Variants in OPA1 observed in about 807,000 individuals in gnomAD.
OPA1 encodes the protein dynamin-like GTPase OPA1, mitochondrial.
A neutral mutation model predicts 152.9 loss-of-function variants in OPA1; 59 were observed. That is an observed-to-expected ratio of 0.39 (90% CI 0.31 to 0.48). OPA1 has a LOEUF of 0.48. Ranked by LOEUF, OPA1 falls within the 20% of genes least tolerant of loss-of-function variation. OPA1 has a pLI of 0.96. For missense variants in OPA1, 1,008 were observed against 1,216.8 expected (o/e 0.83, Z 2.55); for synonymous variants, 400 against 389.9 (o/e 1.03, Z -0.31).
chr3:193,640,210 G>A (rs573432590), intron 11 of OPA1, among the ~76,000 whole-genome samples: 1 of 152,180 alleles, frequency 6.6e-6, no homozygotes, highest in East Asian at 1.9e-4. Context: ...CTTCAAGGGA[G>A]TGAGTAGAGA....
In OPA1 at chr3:193,637,938, T is replaced by C. The variant is rs1029696925; in HGVS notation, c.1036-14T>C. 20 of 1,597,470 alleles carry C rather than the reference T, an allele frequency of 1.3e-5. No homozygotes were observed. Among genetic ancestry groups the C allele is most frequent in the Non-Finnish European group, 1.7e-5 (20 of 1,165,146 alleles). On this transcript the variant is annotated splice_polypyrimidine_tract_variant and intron_variant, in intron 10 of 30. Coordinates refer to ENST00000361510, the MANE Select transcript of OPA1 (RefSeq NM_130837.3). ...CAGAAAAATATGAATAAGTGTTCTT[T>C]GTTTTGTGGGAAGGTTGTTGTGGTT...
rs748799408 is a variant in OPA1 at position 193,617,784 on chromosome 3, G to A, written c.557G>A (p.Gly186Asp). The A allele has an allele frequency of 4.3e-6, 7 of 1,609,874 alleles. No individual in the cohort carries two copies. The African/African-American group carries it at 8.0e-5, about 18-fold the overall frequency. ...LSLLKDFFTS[G>D]HKLVSEVIGA... ...TTCCCCTTTTGCTGATTTTTCACAG[G>A]TCACAAATTGGTTAGTGAAGTCATA... The change falls in exon 5 of 31, where the codon GGT becomes GAT. Residue 186 changes from glycine to aspartate, a missense_variant and splice_region_variant. Around this residue, in one of 7 missense-constraint regions of OPA1, gnomAD observed 408 missense variants for 395.1 expected, o/e 1.03. Transcript: ENST00000361510.
chr3:193,655,050 T>G (rs1338012724), intron 22 of OPA1, 23 bp downstream of exon 22: 1 of 1,606,270 alleles, frequency 6.2e-7, no homozygotes, highest in Middle Eastern at 1.7e-4. Context: ...TTTAATTAAA[T>G]GGGTAAGAAG....
At chr3:193,595,311 C>T (rs544089422) in intron 1 of OPA1, among the ~76,000 whole-genome samples, 1 of 152,212 alleles carries the variant, frequency 6.6e-6, no homozygotes, top group Admixed American at 6.5e-5. Flanking sequence ...AAGATCAATA[C>T]TAACATTTGG....
chr3:193,605,829 T>C (rs1727169207), intron 1 of OPA1, among the ~76,000 whole-genome samples: 1 of 152,234 alleles, frequency 6.6e-6, no homozygotes, highest in East Asian at 1.9e-4. Context: ...TATGGGAACC[T>C]CTGGAACTTG....
At chr3:193,620,633 A>G (rs1176235449) in intron 6 of OPA1, among the ~76,000 whole-genome samples, 3 of 151,958 alleles carry the variant, frequency 2.0e-5, no homozygotes, top group Non-Finnish European at 4.4e-5. Context: ...TTTTTTTTTA[A>G]CTATTTGTTA....
At position 193,593,213 on chromosome 3, in the gene OPA1, C is replaced by T; in HGVS notation, c.-165C>T. 1.7e-6 allele frequency: 1 copy of T among 587,724 alleles called. No homozygotes were observed. The allele number at this position is 587,724 out of a possible 1,614,324, so 36.4% of individuals were successfully genotyped here. ...ACTGAGTACGGGTGCCTGTCAGGCT[C>T]TTGCGGAAGTCCATGCGCCATTGGG... is the stretch of plus-strand genomic sequence containing the variant. On this transcript the variant is annotated 5_prime_UTR_variant, in exon 1 of 31. Coordinates refer to ENST00000361510, the MANE Select transcript of OPA1 (RefSeq NM_130837.3).
chr3:193,633,826 G>A (rs1039247745), intron 8 of OPA1, among the ~76,000 whole-genome samples: 3 of 152,062 alleles, frequency 2.0e-5, no homozygotes, highest in East Asian at 1.9e-4. Context: ...AGTAGCTGCC[G>A]TGTTAAACAA....
chr3:193,640,861 A>C (rs536447910), intron 11 of OPA1, among the ~76,000 whole-genome samples: 169 of 152,312 alleles, frequency 1.1e-3, no homozygotes, highest in African/African-American at 3.8e-3. Context: ...TGAAATCTTC[A>C]AGAAATGAAA....
At chr3:193,655,079 G>A (rs531670784) in intron 22 of OPA1, 52 bp downstream of exon 22, 24 of 1,542,202 alleles carry the variant, frequency 1.6e-5, no homozygotes, top group Non-Finnish European at 1.7e-5. Context: ...GAAGGGAGTA[G>A]GAGCTGTGAA....
At chr3:193,600,917 A>G (rs1028246114) in intron 1 of OPA1, among the ~76,000 whole-genome samples, 1 of 152,218 alleles carries the variant, frequency 6.6e-6, no homozygotes, top group African/African-American at 2.4e-5. Flanking sequence ...CAGCAGTATC[A>G]GCCACCTTTT....
At chr3:193,647,007 ATTG>A (rs1734756289) in intron 18 of OPA1, 55 bp from the exon 19 acceptor site, 1 of 1,093,788 alleles carries the variant, frequency 9.1e-7, no homozygotes, top group Non-Finnish European at 1.4e-6. Flanking sequence ...TGGTGGTAGT[ATTG>A]TTGTCCTTTT....
At chr3:193,641,814 C>T (rs906233736) in intron 11 of OPA1, among the ~76,000 whole-genome samples, 1 of 152,204 alleles carries the variant, frequency 6.6e-6, no homozygotes, top group Non-Finnish European at 1.5e-5. Context: ...TGTTAATATA[C>T]ATTGCTATAA....
intron 29 of OPA1, among the ~76,000 whole-genome samples, chr3:193,671,239 A>G (rs1322773232): frequency 2.0e-5 from 3 of 152,242 alleles, no homozygotes; most frequent in African/African-American, 7.2e-5. Context: ...TAATATTATC[A>G]GTAATGGTCA....
rs1362735128 is a variant in OPA1 at position 193,608,144 on chromosome 3, G to A, written c.33-6579G>A. On this transcript the variant is annotated intron_variant, in intron 1 of 30. Coordinates refer to ENST00000361510, the MANE Select transcript of OPA1 (RefSeq NM_130837.3). ...GTCTATCAATTTTGTTGATCTTTTC[G>A]AAAAACCAGTTACTGGATTCATTGA... is the stretch of plus-strand genomic sequence containing the variant. Among the ~76,000 whole-genome samples, 14 of 152,088 alleles carry A rather than the reference G, an allele frequency of 9.2e-5. No individual in the cohort carries two copies. The East Asian group carries it at 2.3e-3, about 25-fold the overall frequency.
rs569037448 is a variant in OPA1 at position 193,613,569 on chromosome 3, TTTTG to T, written c.33-1138_33-1135del. On this transcript the variant is annotated intron_variant, in intron 1 of 30. Transcript: ENST00000361510. ...TCCTCCTCCTCCTTCTTTGTTTTTT[TTTTG>T]TTTGTTTGTTTGTTTTTTTTTGGAG... Among the ~76,000 whole-genome samples, 132 of 152,168 alleles carry T rather than the reference TTTTG, an allele frequency of 8.7e-4. 2 individuals carry two copies. The South Asian group carries it at 0.025, about 28-fold the overall frequency.
intron 1 of OPA1, among the ~76,000 whole-genome samples, chr3:193,610,373 T>C (rs1274417129): frequency 6.6e-6 from 1 of 152,210 alleles, no homozygotes; most frequent in Non-Finnish European, 1.5e-5. Context: ...CAGCAGATGT[T>C]GCTGCCTGAT....
chr3:193,667,058 A>C (rs1662559771), intron 28 of OPA1, 112 bp from the exon 29 acceptor site: 1 of 672,514 alleles, frequency 1.5e-6, no homozygotes, highest in Non-Finnish European at 2.7e-6. Flanking sequence ...AAGTATTAGC[A>C]ATAGTTCTAA....
In OPA1 at chr3:193,668,244, A is replaced by G. The variant is rs529720502; in HGVS notation, c.2983+964A>G. ...AACGGGCTTCTAGTATCCTTAATATATTTTCATATTTTGGTCAGTCCTCCT... is the reference window on the plus strand; with the variant it reads ...AACGGGCTTCTAGTATCCTTAATATGTTTTCATATTTTGGTCAGTCCTCCT... On this transcript the variant is annotated intron_variant, in intron 29 of 30. Transcript: ENST00000361510. 749 of 1,070,052 alleles carry G rather than the reference A, an allele frequency of 7.0e-4. 1 individual carries two copies. Among genetic ancestry groups the G allele is most frequent in the Non-Finnish European group, 9.5e-4 (702 of 736,778 alleles). 66.3% of individuals were successfully genotyped at this position (1,070,052 alleles called of 1,614,324 possible). A position where few individuals can be genotyped will look rare whatever the true frequency, so the allele number is the denominator to read the frequency against.
Sources: allele counts gnomAD v4.1 joint callset (sites outside exome capture counted in the v4.1 genomes callset), GRCh38; gene constraint gnomAD v4.1.1; regional missense constraint gnomAD v4.1.1; transcripts MANE v1.5; gene names NCBI Gene and HGNC (gene_info 2026-07-23, HGNC 2026-07-21).